The following ACOT11 variants were observed in gnomAD, a reference collection of about 807,000 sequenced individuals.
The protein encoded by ACOT11 is acyl-CoA thioesterase 11.
Under a neutral mutation model 77.5 loss-of-function variants are expected in ACOT11, and 69 were observed. That is an observed-to-expected ratio of 0.89 (90% CI 0.73 to 1.09). The LOEUF is 1.09. Among genes scored for constraint, ACOT11 ranks in the 50% least tolerant of loss-of-function variants. The probability of loss-of-function intolerance (pLI) is 0.00; values close to 1 mark genes in which losing one functional copy is unlikely to be tolerated. For synonymous variants in ACOT11, 279 were observed against 313.0 expected (o/e 0.89, Z 1.15); for missense variants, 766 against 813.7 (o/e 0.94, Z 0.71).
At chr1:54,604,497 A>G in intron 12 of ACOT11, 68 bp downstream of exon 12, 1 of 1,397,600 alleles carries the variant, frequency 7.2e-7, no homozygotes, top group East Asian at 2.3e-5. Context: ...GCAAGCAACA[A>G]GAACTCTCCC....
chr1:54,552,767 A>G (rs960292082), intron 1 of ACOT11, among the ~76,000 whole-genome samples: 80 of 148,314 alleles, frequency 5.4e-4, no homozygotes, highest in Admixed American at 1.3e-3. Flanking sequence ...GATTACAGGC[A>G]TGAGCCACCA....
chr1:54,548,881 A>G (rs1042040628), intron 1 of ACOT11, among the ~76,000 whole-genome samples: 13 of 152,124 alleles, frequency 8.5e-5, no homozygotes, highest in South Asian at 2.1e-4. Flanking sequence ...GTGACCTTGA[A>G]GAGAACTTTT....
At chr1:54,624,386 G>A (rs1227275700) in intron 15 of ACOT11, among the ~76,000 whole-genome samples, 1 of 152,038 alleles carries the variant, frequency 6.6e-6, no homozygotes, top group East Asian at 1.9e-4. Flanking sequence ...CAGGGTGGGA[G>A]GGATTTTGGT....
chr1:54,600,787 AT>A (rs1399157225), intron 8 of ACOT11, among the ~76,000 whole-genome samples: 1 of 152,214 alleles, frequency 6.6e-6, no homozygotes, highest in Non-Finnish European at 1.5e-5. Flanking sequence ...TATGCACATA[AT>A]GAACATTTTC....
chr1:54,612,645 T>A (rs768678669), downstream of ACOT11: 2 of 1,613,926 alleles, frequency 1.2e-6, no homozygotes, highest in African/African-American at 2.7e-5. Context: ...CGTGGACATG[T>A]AGAAGGTGGT....
At chr1:54,625,663 C>CA (rs1157499045) in intron 15 of ACOT11, among the ~76,000 whole-genome samples, 2 of 152,146 alleles carry the variant, frequency 1.3e-5, no homozygotes, top group African/African-American at 4.8e-5. Context: ...CTGAGCCAGG[C>CA]GCGGTGGCTC....
chr1:54,605,183 G>T lies in ACOT11; in HGVS notation c.1344G>T (p.Gln448His). 6.2e-7 allele frequency: 1 copy of T among 1,613,686 alleles called. No individual in the cohort carries two copies. Residue 448 changes from glutamine (Q) to histidine (H), a missense_variant, in exon 13 of 16, where the codon CAG (glutamine) becomes CAT (histidine). By Grantham distance (24) the Gln-to-His change is conservative (BLOSUM62 0). Transcript: ENST00000343744. ...TCCTGCTGCTCTCGGACCTGCGTCAGAGGCCAGAGTGGGACAAGCACTACC... is the reference window on the plus strand; with the variant it reads ...TCCTGCTGCTCTCGGACCTGCGTCATAGGCCAGAGTGGGACAAGCACTACC... Reference protein sequence around the residue: ...QAFLLLSDLRQRPEWDKHYRS... With the variant: ...QAFLLLSDLRHRPEWDKHYRS...
intron 5 of ACOT11, 77 bp downstream of exon 5, chr1:54,594,116 A>G (rs1171523364): frequency 8.6e-6 from 12 of 1,388,058 alleles, no homozygotes; most frequent in Middle Eastern, 1.8e-4. Context: ...GCTCAGGGGA[A>G]TGAGGTTAGG....
chr1:54,617,562 C>T (rs1644185783), intron 15 of ACOT11, among the ~76,000 whole-genome samples: 1 of 151,932 alleles, frequency 6.6e-6, no homozygotes, highest in Admixed American at 6.6e-5. Context: ...CAGGGCCTGC[C>T]AGATTTTCCA....
rs116105596 is a variant in ACOT11, at chr1:54,620,131, G to A, written c.1630-10603G>A. 7.9e-4 allele frequency: 817 copies of A among 1,028,614 alleles called. 2 individuals are homozygous for A. The highest frequency in any genetic ancestry group is 4.3e-3 in the African/African-American group (271 of 63,166). 63.7% of individuals were successfully genotyped at this position (1,028,614 alleles called of 1,614,324 possible). ...CAGTACCCCATCTGGCAGAGGGACG[G>A]TGAGGCTCAGACTCACTGGTGCTAC... On this transcript the variant is annotated intron_variant, in intron 15 of 16. Transcript: ENST00000371316.
chr1:54,572,005 G>GAAT (rs1167508199), intron 1 of ACOT11, among the ~76,000 whole-genome samples: 1 of 152,090 alleles, frequency 6.6e-6, no homozygotes, highest in Non-Finnish European at 1.5e-5. Context: ...GGGGCAGGAA[G>GAAT]TCCTGGCTGC....
intron 1 of ACOT11, among the ~76,000 whole-genome samples, chr1:54,565,327 C>G (rs1557648994): frequency 6.6e-6 from 1 of 152,168 alleles, no homozygotes; most frequent in Non-Finnish European, 1.5e-5. Flanking sequence ...CCTATAGGCT[C>G]ATATCATGCA....
chr1:54,609,232 C>A lies in ACOT11; in HGVS notation c.*120C>A. ...TTCCTGCCTCCCCGTGGGAAGCCTC[C>A]GCCCTGAGGTCCGCTGGCCCACCAC... On this transcript the variant is annotated 3_prime_UTR_variant, in exon 16 of 16. Transcript: ENST00000343744. The A allele has an allele frequency of 6.3e-7, 1 of 1,590,726 alleles. No homozygotes were observed. The highest frequency in any genetic ancestry group is 8.6e-7 in the Non-Finnish European group (1 of 1,167,064).
chr1:54,597,041 C>T (rs1283659749), intron 6 of ACOT11, among the ~76,000 whole-genome samples: 2 of 152,248 alleles, frequency 1.3e-5, no homozygotes, highest in African/African-American at 4.8e-5. Context: ...CTCAGACCTG[C>T]TGTCTTGTCT....
intron 9 of ACOT11, 89 bp downstream of exon 9, chr1:54,601,502 A>T (rs985772440): frequency 3.6e-5 from 55 of 1,535,002 alleles, no homozygotes; most frequent in Non-Finnish European, 4.5e-5. Flanking sequence ...CCCCCTACAG[A>T]CCTAGAGGCG....
intron 3 of ACOT11, among the ~76,000 whole-genome samples, chr1:54,587,815 G>A (rs1654560618): frequency 6.6e-6 from 1 of 151,786 alleles, no homozygotes; most frequent in South Asian, 2.1e-4. Flanking sequence ...GCCTGCCTTG[G>A]CCTCCCAAAG....
At chr1:54,621,831 AGGGGTGAGCAGCTGTT>A (rs1644232517) in intron 15 of ACOT11, 1 of 152,496 alleles carries the variant, frequency 6.6e-6, no homozygotes, top group Non-Finnish European at 1.5e-5. Context: ...GAGAGGCTGC[AGGGGTGAGCAGCTGTT>A]GGGGGGAAGA....
chr1:54,626,596 T>C (rs1644274335), intron 15 of ACOT11, among the ~76,000 whole-genome samples: 1 of 137,478 alleles, frequency 7.3e-6, no homozygotes, highest in African/African-American at 2.5e-5. Context: ...TAAGTTCAAA[T>C]GCAGGTCAGG....
rs1654803421 is a variant in ACOT11 at position 54,593,926 on chromosome 1, A to G, written c.373-15A>G. 6 of 1,610,612 alleles carry G rather than the reference A, an allele frequency of 3.7e-6. No homozygotes were observed. The highest frequency in any genetic ancestry group is 3.4e-6 in the Non-Finnish European group (4 of 1,177,374). On this transcript the variant is annotated splice_polypyrimidine_tract_variant and intron_variant, in intron 4 of 15. Transcript: ENST00000343744. Reference sequence around the variant, plus strand: ...TGTTGTTCCTCATTCCTTCGCCCTTACTGTTCCTCTCCAGGTGGGCATCCA... The same window carrying G: ...TGTTGTTCCTCATTCCTTCGCCCTTGCTGTTCCTCTCCAGGTGGGCATCCA...
Sources: gnomAD v4.1 joint callset for allele counts (sites outside exome capture counted in the v4.1 genomes callset) on GRCh38, gnomAD v4.1.1 for gene constraint, MANE v1.5 for transcripts, NCBI Gene and HGNC (gene_info 2026-07-23, HGNC 2026-07-21) for gene names.